Variants in NBPF12 observed in about 807,000 individuals in gnomAD.
NBPF12 encodes the protein NBPF member 12.
Under a neutral mutation model 146.4 loss-of-function variants are expected in NBPF12, and 115 were observed. The ratio of observed to expected loss-of-function variants is 0.79; its 90% CI spans 0.68 to 0.92. NBPF12 has a LOEUF of 0.92. Ranked by LOEUF, NBPF12 falls within the 40% of genes least tolerant of loss-of-function variation. The probability of loss-of-function intolerance (pLI) is 0.00; values close to 1 mark genes in which losing one functional copy is unlikely to be tolerated. For missense variants in NBPF12, 1,205 were observed against 1,326.8 expected (o/e 0.91, Z 1.43); for synonymous variants, 385 against 508.9 (o/e 0.76, Z 3.28).
chr1:146,993,400 A>AT (rs1658312931), intron 32 of NBPF12, among the ~76,000 whole-genome samples, 199 bp from the exon 36 acceptor site: 1 of 27,968 alleles, frequency 3.6e-5, no homozygotes, highest in Non-Finnish European at 6.5e-5. Flanking sequence ...GAATAGGGAC[A>AT]TTTTACCCAG....
chr1:146,972,854 G>T (rs1460772065), exon 14 of NBPF12: 1 of 1,262,050 alleles, frequency 7.9e-7, no homozygotes, highest in Non-Finnish European at 1.2e-6. Flanking sequence ...TCAATGAGAA[G>T]TTGCGCCCCC....
rs1195588193 is a variant in NBPF12, at chr1:146,984,577, CTGTGTG to C, written c.2667-194_2667-189del. On this transcript the variant is annotated intron_variant, in intron 21 of 33. Transcript: ENST00000617844. ...ACCCGGCCAATTGACTGAGCTCACA[CTGTGTG>C]TGTGTGTGTGTGTGTGTGTGTGTGT... Among the ~76,000 whole-genome samples the C allele has an allele frequency of 9.6e-3, 1,268 of 132,752 alleles. 13 individuals carry two copies. The highest frequency in any genetic ancestry group is 0.024 in the Middle Eastern group (7 of 286). 87.1% of individuals were successfully genotyped at this position (132,752 alleles called of 152,430 possible).
chr1:146,951,684 T>G, intron 2 of NBPF12, 195 bp downstream of exon 5: 1 of 509,196 alleles, frequency 2.0e-6, no homozygotes, highest in Non-Finnish European at 3.5e-6. Flanking sequence ...ATGGGCATTC[T>G]TTATTGCATT....
rs1264138169 is a variant in NBPF12 at position 146,960,555 on chromosome 1, A to T, written c.175+237A>T. ...ACTAGAGTTAAACTCACAGTTACTG[A>T]TTTCTGACACAGGCACAGAATGACC... is the stretch of plus-strand genomic sequence containing the variant. On this transcript the variant is annotated intron_variant, in intron 4 of 33. Transcript: ENST00000617844. Among the ~76,000 whole-genome samples the T allele has an allele frequency of 5.8e-3, 887 of 152,126 alleles. 15 individuals carry two copies. Among genetic ancestry groups the T allele is most frequent in the African/African-American group, 0.02 (839 of 41,364 alleles).
chr1:146,941,381 G>T (rs1351225887), intron 1 of NBPF12, among the ~76,000 whole-genome samples: 1 of 151,400 alleles, frequency 6.6e-6, no homozygotes, highest in African/African-American at 2.4e-5. Context: ...TACTGCACCC[G>T]GCCAGAGTAT....
chr1:146,940,816 G>T (rs1436249207), intron 1 of NBPF12, among the ~76,000 whole-genome samples: 3 of 151,874 alleles, frequency 2.0e-5, no homozygotes, highest in Admixed American at 6.6e-5. Context: ...TCTCGTAGAG[G>T]TGCAGTAATA....
exon 34 of NBPF12, chr1:146,994,383 A>C: frequency 1.9e-6 from 3 of 1,612,424 alleles, no homozygotes; most frequent in Admixed American, 3.3e-5. Context: ...TGCAGGACTC[A>C]CTGGATAGAT....
intron 13 of NBPF12, among the ~76,000 whole-genome samples, chr1:146,971,927 A>G (rs1458264502): frequency 4.3e-5 from 5 of 115,684 alleles, no homozygotes; most frequent in Non-Finnish European, 9.2e-5. Context: ...AAAATACAAA[A>G]AAAAAAAAAA....
intron 9 of NBPF12, among the ~76,000 whole-genome samples, chr1:146,967,357 T>C (rs1163961155): frequency 6.6e-6 from 1 of 150,632 alleles, no homozygotes; most frequent in African/African-American, 2.5e-5. Flanking sequence ...AAAAAGTAGA[T>C]GGGCGTGGTG....
chr1:146,954,415 G>GAAAAAA (rs1655469615), intron 2 of NBPF12, among the ~76,000 whole-genome samples: 1 of 109,278 alleles, frequency 9.2e-6, no homozygotes, highest in Admixed American at 1.0e-4. Context: ...AAAAAAAAAG[G>GAAAAAA]AAAGTCAACA....
At chr1:146,995,552 G>A (rs1385768594) in exon 34 of NBPF12, 2 of 151,706 alleles carry the variant, frequency 1.3e-5, no homozygotes, top group African/African-American at 4.9e-5. Context: ...GTCATTGATG[G>A]TGGTGACATG....
At chr1:146,955,059 G>A (rs1655524103) in intron 2 of NBPF12, among the ~76,000 whole-genome samples, 1 of 91,554 alleles carries the variant, frequency 1.1e-5, no homozygotes, top group Non-Finnish European at 2.2e-5. Context: ...AAGATAAACA[G>A]CACAATGAAA....
chr1:146,977,135 G>C lies in NBPF12; in HGVS notation c.2192+134G>C, dbSNP rs1384226820. 7.4e-5 allele frequency: 65 copies of C among 872,828 alleles called. No homozygotes were observed. In the South Asian group the frequency reaches 8.7e-4, roughly 12 times the overall value. The allele number at this position is 872,828 out of a possible 1,614,324, so 54.1% of individuals were successfully genotyped here. On this transcript the variant is annotated intron_variant, in intron 17 of 33. Coordinates refer to ENST00000617844, the Ensembl canonical transcript of NBPF12. ...GCCACAGTATGTGAAATATAACCCA[G>C]CTTAGACACAGGGTGCGGCAGGTGT...
chr1:146,963,611 A>G (rs1162370081), intron 6 of NBPF12, among the ~76,000 whole-genome samples: 1 of 151,874 alleles, frequency 6.6e-6, no homozygotes, highest in Non-Finnish European at 1.5e-5. Flanking sequence ...GTTGGAGTGA[A>G]AAGAGCTCTG....
intron 2 of NBPF12, among the ~76,000 whole-genome samples, chr1:146,944,272 T>C (rs1441167620): frequency 7.4e-6 from 1 of 134,606 alleles, no homozygotes; most frequent in African/African-American, 2.7e-5. Context: ...GGCCCCATAA[T>C]GAGTAAATCT....
intron 22 of NBPF12, 141 bp from the exon 26 acceptor site, chr1:146,985,564 G>C (rs1657702386): frequency 9.8e-7 from 1 of 1,015,940 alleles, no homozygotes; most frequent in Admixed American, 1.7e-5. Context: ...TCAGCCTTCA[G>C]GCCTCCTGAA....
intron 4 of NBPF12, 68 bp from the exon 8 acceptor site, chr1:146,962,093 C>G (rs1435101044): frequency 3.4e-6 from 5 of 1,492,118 alleles, no homozygotes; most frequent in Non-Finnish European, 4.6e-6. Context: ...GGCTCCTGCC[C>G]TGTAGGCAGT....
chr1:146,941,931 T>C (rs1397464289), intron 1 of NBPF12, among the ~76,000 whole-genome samples: 2 of 149,656 alleles, frequency 1.3e-5, no homozygotes, highest in African/African-American at 5.0e-5. Context: ...TAATCTCAGC[T>C]CACTGCCACC....
At chr1:146,978,685 T>G (rs1411094126) in intron 18 of NBPF12, among the ~76,000 whole-genome samples, 1 of 149,386 alleles carries the variant, frequency 6.7e-6, no homozygotes, top group Non-Finnish European at 1.5e-5. Flanking sequence ...TTTTGGAGAT[T>G]TTTTTGGGGA....
Sources: gnomAD v4.1 joint callset for allele counts (sites outside exome capture counted in the v4.1 genomes callset) on GRCh38, gnomAD v4.1.1 for gene constraint, MANE v1.5 for transcripts, NCBI Gene and HGNC (gene_info 2026-07-23, HGNC 2026-07-21) for gene names.